The following JHY variants were observed in gnomAD, a reference collection of about 807,000 sequenced individuals.
JHY encodes the protein jhy protein homolog.
A neutral mutation model predicts 78.0 loss-of-function variants in JHY; 69 were observed. The observed-to-expected ratio is 0.88, with a 90% confidence interval of 0.73 to 1.08. JHY has a LOEUF of 1.08. Ranked by LOEUF, JHY falls within the 50% of genes least tolerant of loss-of-function variation. The probability of loss-of-function intolerance (pLI) is 0.00; values close to 1 mark genes in which losing one functional copy is unlikely to be tolerated. For missense variants in JHY, 944 were observed against 927.8 expected (o/e 1.02, Z -0.23); for synonymous variants, 368 against 342.6 (o/e 1.07, Z -0.82).
At chr11:122,884,209 C>T (rs1379428551) in intron 1 of JHY, among the ~76,000 whole-genome samples, 1 of 152,216 alleles carries the variant, frequency 6.6e-6, no homozygotes, top group Non-Finnish European at 1.5e-5. Context: ...TGTGTATTTA[C>T]ATATGAACGT....
chr11:122,894,358 AAAG>A (rs1031256072), intron 2 of JHY, among the ~76,000 whole-genome samples: 15 of 152,156 alleles, frequency 9.9e-5, no homozygotes, highest in South Asian at 8.3e-4. Flanking sequence ...AAGCCACGTA[AAAG>A]AAGAAGAAGA....
intron 3 of JHY, among the ~76,000 whole-genome samples, chr11:122,915,488 A>T (rs1034775510): frequency 1.2e-4 from 18 of 152,236 alleles, no homozygotes; most frequent in Admixed American, 2.6e-4. Context: ...CTTTAAAATG[A>T]AAAAGGGTAT....
chr11:122,953,680 CAG>C (rs1864139419), intron 6 of JHY, among the ~76,000 whole-genome samples: 1 of 151,148 alleles, frequency 6.6e-6, no homozygotes, highest in Non-Finnish European at 1.5e-5. Flanking sequence ...TATGAACAGA[CAG>C]ATATAATGGA....
intron 6 of JHY, among the ~76,000 whole-genome samples, chr11:122,950,206 A>T (rs1352156864): frequency 1.3e-5 from 2 of 152,128 alleles, no homozygotes; most frequent in Non-Finnish European, 2.9e-5. Context: ...TTAGGCTGTA[A>T]GGTACTATTA....
intron 2 of JHY, among the ~76,000 whole-genome samples, chr11:122,895,682 A>G (rs1349504590): frequency 6.6e-6 from 1 of 152,208 alleles, no homozygotes; most frequent in Non-Finnish European, 1.5e-5. Context: ...AACAGTAACA[A>G]AAGAGTTGTG....
chr11:122,952,733 C>T (rs1353768744), intron 6 of JHY, among the ~76,000 whole-genome samples: 1 of 152,204 alleles, frequency 6.6e-6, no homozygotes, highest in Non-Finnish European at 1.5e-5. Flanking sequence ...CTGCTTCAGA[C>T]TTAGGATGTG....
At chr11:122,899,895 T>C (rs186775308) in intron 2 of JHY, among the ~76,000 whole-genome samples, 2 of 152,338 alleles carry the variant, frequency 1.3e-5, no homozygotes, top group Admixed American at 6.5e-5. Flanking sequence ...CCCAGGTCTG[T>C]GCCCTGCCGG....
rs1863973678 is a variant in JHY, at chr11:122,946,752, T to C, written c.1889T>C (p.Leu630Pro). The C allele has an allele frequency of 1.2e-6, 2 of 1,612,882 alleles. No homozygotes were observed. The highest frequency in any genetic ancestry group is 2.2e-5 in the East Asian group (1 of 44,876). The change falls in exon 6 of 9, where the codon CTG becomes CCG. Residue 630 changes from leucine (L) to proline (P), a missense_variant. Leu to Pro is a moderately conservative substitution (Grantham distance 98, BLOSUM62 -3). Coordinates refer to ENST00000227349, the MANE Select transcript of JHY (RefSeq NM_024806.4). ...RSNSEGYLFQLEKGKKHKKRS... is the reference protein window; with the variant it reads ...RSNSEGYLFQPEKGKKHKKRS... Reference sequence around the variant, plus strand: ...AATTCTGAAGGCTATCTGTTTCAACTGGAAAAGGGAAAAAAGCATAAGAAA... The same window carrying C: ...AATTCTGAAGGCTATCTGTTTCAACCGGAAAAGGGAAAAAAGCATAAGAAA...
intron 2 of JHY, among the ~76,000 whole-genome samples, chr11:122,888,045 G>A (rs966733047): frequency 6.1e-4 from 11 of 18,058 alleles, no homozygotes; most frequent in South Asian, 2.0e-3. Context: ...CCTTCCTTTC[G>A]TCTTCCCCCC....
chr11:122,951,990 CT>C (rs768377869), intron 6 of JHY, among the ~76,000 whole-genome samples: 2,983 of 133,366 alleles, frequency 0.022, 70 homozygotes, highest in African/African-American at 0.065. Context: ...TGTTGATTTA[CT>C]TTTTTTTTTT....
intron 1 of JHY, among the ~76,000 whole-genome samples, chr11:122,884,296 G>T (rs1016097668): frequency 5.3e-5 from 8 of 152,106 alleles, no homozygotes; most frequent in Non-Finnish European, 1.2e-4. Context: ...TAGCAACAAG[G>T]TCAACATTAT....
intron 2 of JHY, among the ~76,000 whole-genome samples, chr11:122,899,452 C>T (rs550845938): frequency 4.6e-4 from 70 of 152,294 alleles, no homozygotes; most frequent in Non-Finnish European, 8.2e-4. Context: ...CTAATTTGGT[C>T]TAATGCAAGA....
intron 6 of JHY, among the ~76,000 whole-genome samples, chr11:122,954,182 C>T (rs1474774824): frequency 6.6e-6 from 1 of 152,208 alleles, no homozygotes; most frequent in Non-Finnish European, 1.5e-5. Flanking sequence ...TTGTGATTCT[C>T]CTTTTTCCTG....
At chr11:122,925,151 C>A in intron 4 of JHY, 141 bp downstream of exon 4, 1 of 680,754 alleles carries the variant, frequency 1.5e-6, no homozygotes, top group Admixed American at 2.8e-5. Context: ...GTAAGACTGG[C>A]TTCTGCTCAG....
chr11:122,926,470 C>CT (rs11424407), intron 4 of JHY, among the ~76,000 whole-genome samples: 35,326 of 151,994 alleles, frequency 0.23, 4,601 homozygotes, highest in Non-Finnish European at 0.3. Flanking sequence ...CTCTTTTCCT[C>CT]TCCAGTGGAC....
intron 3 of JHY, chr11:122,905,628 G>T (rs1448778777): frequency 4.1e-6 from 4 of 980,200 alleles, no homozygotes; most frequent in Non-Finnish European, 1.2e-6. Context: ...AGCACTTTGG[G>T]AGGTCGAGGT....
intron 4 of JHY, among the ~76,000 whole-genome samples, chr11:122,929,529 G>C (rs1283935035): frequency 6.6e-6 from 1 of 152,130 alleles, no homozygotes; most frequent in Non-Finnish European, 1.5e-5. Flanking sequence ...GGGAAAAGTT[G>C]ACATAGTTGG....
rs191793040 is a variant in JHY, at chr11:122,886,824, A to C, written c.344+631A>C. On this transcript the variant is annotated intron_variant, in intron 2 of 8. Coordinates refer to ENST00000227349, the MANE Select transcript of JHY (RefSeq NM_024806.4). ...TTGCCTATCTCACAGGATTGCTATG[A>C]ATGTCAATAAAGTACAAATAATTGG... Among the ~76,000 whole-genome samples the C allele has an allele frequency of 1.9e-3, 292 of 152,278 alleles. 1 individual carries two copies. Among genetic ancestry groups the C allele is most frequent in the Non-Finnish European group, 3.1e-3 (212 of 68,024 alleles).
intron 2 of JHY, among the ~76,000 whole-genome samples, chr11:122,888,974 G>A (rs764933650): frequency 7.9e-5 from 12 of 152,046 alleles, no homozygotes; most frequent in Admixed American, 6.6e-5. Flanking sequence ...GCATGTCCTC[G>A]TGTGCCTCCT....
Sources: allele counts gnomAD v4.1 joint callset (sites outside exome capture counted in the v4.1 genomes callset), GRCh38; gene constraint gnomAD v4.1.1; transcripts MANE v1.5; gene names NCBI Gene and HGNC (gene_info 2026-07-23, HGNC 2026-07-21).